PHIP: variants seen among roughly 807,000 people sequenced by gnomAD.
The protein encoded by PHIP is PH-interacting protein.
In PHIP, 54 loss-of-function variants were observed where a neutral mutation model predicts 236.8. The ratio of observed to expected loss-of-function variants is 0.23; its 90% CI spans 0.18 to 0.29. The LOEUF (loss-of-function observed/expected upper bound fraction) is 0.29, where lower values mean the gene tolerates loss of function less well. Among genes scored for constraint, PHIP ranks in the 10% least tolerant of loss-of-function variants. The probability of loss-of-function intolerance (pLI) is 1.00; values close to 1 mark genes in which losing one functional copy is unlikely to be tolerated. For synonymous variants in PHIP, 756 were observed against 718.9 expected, an observed-to-expected ratio of 1.05 and a Z score of -0.83; for missense variants, 1,370 against 2,190.8, an observed-to-expected ratio of 0.63 and a Z score of 7.48.
intron 6 of PHIP, among the ~76,000 whole-genome samples, chr6:79,056,643 C>T (rs1185157177): frequency 1.3e-5 from 2 of 152,068 alleles, no homozygotes; most frequent in Admixed American, 1.3e-4. Flanking sequence ...TGCTAATAAA[C>T]ATCCAACAAT....
At chr6:78,958,390 A>G (rs1195050831) in intron 32 of PHIP, 85 bp downstream of exon 32, 3 of 891,264 alleles carry the variant, frequency 3.4e-6, no homozygotes, top group African/African-American at 3.4e-5. Flanking sequence ...TCTTCTTTAC[A>G]AACAGTATGT....
At chr6:79,014,461 C>A (rs953308420) in intron 15 of PHIP, among the ~76,000 whole-genome samples, 4 of 151,690 alleles carry the variant, frequency 2.6e-5, no homozygotes, top group Non-Finnish European at 5.9e-5. Context: ...TATGACTACA[C>A]AAACTGCAGT....
chr6:79,073,421 A>T (rs1426964801), intron 4 of PHIP, among the ~76,000 whole-genome samples: 1 of 152,228 alleles, frequency 6.6e-6, no homozygotes. Flanking sequence ...CTACTAAAAA[A>T]GGAAATAGTA....
At position 78,975,455 on chromosome 6, in the gene PHIP, A is replaced by C. The variant is rs1264858068; in HGVS notation, c.2889+3137T>G. Among the ~76,000 whole-genome samples, 8 of 152,202 alleles carry C rather than the reference A, an allele frequency of 5.3e-5. No homozygotes were observed. The South Asian group carries it at 8.3e-4, about 16-fold the overall frequency. On this transcript the variant is annotated intron_variant, in intron 24 of 39. Coordinates refer to ENST00000275034, the MANE Select transcript of PHIP (RefSeq NM_017934.7). ...AAAAACTGGAAGCATTCCCTTTGAA[A>C]ACTGGCACAAGACAGGGATGCTCTC...
At chr6:78,946,920 T>C in intron 36 of PHIP, 46 bp from the exon 37 acceptor site, 1 of 1,245,130 alleles carries the variant, frequency 8.0e-7, no homozygotes, top group Non-Finnish European at 1.1e-6. Flanking sequence ...TGGAGGAAAA[T>C]ACCTTTGTTC....
At chr6:79,018,206 T>C (rs369280243) in intron 10 of PHIP, among the ~76,000 whole-genome samples, 5 of 151,918 alleles carry the variant, frequency 3.3e-5, no homozygotes, top group East Asian at 1.9e-4. Flanking sequence ...AAAAATCAAA[T>C]TGTCCTTGAA....
At chr6:78,964,734 AC>A (rs1767023141) in intron 29 of PHIP, among the ~76,000 whole-genome samples, 1 of 152,062 alleles carries the variant, frequency 6.6e-6, no homozygotes, top group Admixed American at 6.6e-5. Flanking sequence ...CTCGTGATCC[AC>A]CTGCCTCAGC....
chr6:79,009,023 T>C (rs1251903730), intron 15 of PHIP, among the ~76,000 whole-genome samples: 3 of 152,128 alleles, frequency 2.0e-5, no homozygotes, highest in Non-Finnish European at 2.9e-5. Flanking sequence ...TCCTACCAAC[T>C]ACCCCTATAA....
chr6:79,013,457 C>T lies in PHIP; in HGVS notation c.1524+1625G>A, dbSNP rs1770691583. Among the ~76,000 whole-genome samples, 3 of 150,786 alleles carry T rather than the reference C, an allele frequency of 2.0e-5. No individual in the cohort carries two copies. The South Asian group carries it at 6.2e-4, about 31-fold the overall frequency. On this transcript the variant is annotated intron_variant, in intron 15 of 39. Transcript: ENST00000275034. ...TCCATAAAAAGAACCAGAAAAATAT[C>T]CTCATCTAACACTCTTATTTAACAA...
Position 78,965,755 on chromosome 6 carries a change from A to G in PHIP, c.3327T>C (p.Asn1109=), listed in dbSNP as rs959524373. 1 of 1,549,368 alleles carries G rather than the reference A, an allele frequency of 6.5e-7. No homozygotes were observed. The highest frequency in any genetic ancestry group is 1.1e-5 in the South Asian group (1 of 87,196). The change falls in exon 29 of 40, where the codon AAT becomes AAC. Residue 1109 remains asparagine (N), a synonymous_variant. Transcript: ENST00000275034. Reference sequence around the variant, plus strand: ...AAGGACTCATCTTTTCTGTATCTCCATTGTCCCAGCTTAAAGAAAGAAAAA... The same window carrying G: ...AAGGACTCATCTTTTCTGTATCTCCGTTGTCCCAGCTTAAAGAAAGAAAAA... ...LFQCYNVCWD[N]GDTEKMSPWD...
Position 78,945,997 on chromosome 6 carries a change from T to TTACTTG in PHIP, c.4628_4630+3dup. ...TACATTTCAATTTAGAAAGTGAGTC[T>TTACTTG]TACTTGTTTTCCCTGGTATTGCAGA... On this transcript the variant is annotated splice_donor_region_variant and intron_variant, in intron 38 of 39. Transcript: ENST00000275034. 6.3e-7 allele frequency: 1 copy of TTACTTG among 1,597,286 alleles called. No homozygotes were observed. The highest frequency in any genetic ancestry group is 8.6e-7 in the Non-Finnish European group (1 of 1,165,376).
At chr6:78,979,325 AT>A (rs1224357916) in intron 23 of PHIP, among the ~76,000 whole-genome samples, 6 of 152,106 alleles carry the variant, frequency 3.9e-5, no homozygotes, top group African/African-American at 1.4e-4. Flanking sequence ...GTAACAAGAT[AT>A]CCCCACAAAC....
intron 6 of PHIP, among the ~76,000 whole-genome samples, chr6:79,043,526 T>A (rs557895155): frequency 7.2e-5 from 11 of 152,184 alleles, no homozygotes; most frequent in Admixed American, 4.6e-4. Context: ...TAAAAAATAA[T>A]AATTAAACTG....
At chr6:79,026,227 C>G in intron 7 of PHIP, 63 bp from the exon 8 acceptor site, 1 of 1,144,060 alleles carries the variant, frequency 8.7e-7, no homozygotes, top group Non-Finnish European at 1.3e-6. Context: ...AATCTTAACA[C>G]TGATAAATCT....
intron 24 of PHIP, among the ~76,000 whole-genome samples, chr6:78,975,502 T>A (rs1041814130): frequency 5.3e-5 from 8 of 152,138 alleles, no homozygotes; most frequent in Admixed American, 2.0e-4. Flanking sequence ...CTATTCAACA[T>A]AGTGATGGAA....
chr6:79,035,136 G>A (rs1771866114), intron 7 of PHIP, among the ~76,000 whole-genome samples: 1 of 152,060 alleles, frequency 6.6e-6, no homozygotes, highest in African/African-American at 2.4e-5. Flanking sequence ...CATGCCCAGG[G>A]ACATTCCAGA....
At chr6:78,979,867 G>C (rs1270452837) in intron 23 of PHIP, among the ~76,000 whole-genome samples, 1 of 151,908 alleles carries the variant, frequency 6.6e-6, no homozygotes, top group African/African-American at 2.4e-5. Flanking sequence ...TGATATCAGA[G>C]AACACTACTT....
intron 21 of PHIP, among the ~76,000 whole-genome samples, chr6:78,985,851 G>A (rs573498505): frequency 1.3e-5 from 2 of 152,068 alleles, no homozygotes; most frequent in South Asian, 4.1e-4. Context: ...AATAATAAAA[G>A]AGTCAGCTGC....
intron 24 of PHIP, among the ~76,000 whole-genome samples, chr6:78,975,787 GAATAA>G (rs1413702288): frequency 1.3e-5 from 2 of 151,410 alleles, no homozygotes; most frequent in East Asian, 3.9e-4. Flanking sequence ...GCTTCAAAGA[GAATAA>G]AATACCTAGG....
Sources: allele counts gnomAD v4.1 joint callset (sites outside exome capture counted in the v4.1 genomes callset), GRCh38; gene constraint gnomAD v4.1.1; transcripts MANE v1.5; gene names NCBI Gene and HGNC (gene_info 2026-07-23, HGNC 2026-07-21).